Variants in KLF5 observed in about 807,000 individuals in gnomAD.
KLF5 encodes the protein Krueppel-like factor 5.
In KLF5, 9 loss-of-function variants were observed where a neutral mutation model predicts 36.9. That is an observed-to-expected ratio of 0.24 (90% confidence interval 0.15 to 0.43). The LOEUF (loss-of-function observed/expected upper bound fraction) is 0.43, where lower values mean the gene tolerates loss of function less well. KLF5 is among the 20% of genes least tolerant of loss of function. KLF5 has a pLI of 1.00. For missense variants in KLF5, 524 were observed against 599.5 expected (o/e 0.87, Z 1.31); for synonymous variants, 246 against 241.7 (o/e 1.02, Z -0.17).
chr13:73,057,511 G>A (rs932192348), upstream of KLF5, among the ~76,000 whole-genome samples: 3 of 152,152 alleles, frequency 2.0e-5, no homozygotes, highest in Non-Finnish European at 4.4e-5. Context: ...AATGAATCAT[G>A]TGTCAACAGG....
intron 1 of KLF5, among the ~76,000 whole-genome samples, chr13:73,061,638 T>C (rs1013900187): frequency 3.3e-5 from 5 of 152,140 alleles, no homozygotes; most frequent in African/African-American, 1.2e-4. Flanking sequence ...TGGGGGTGAT[T>C]GGGGGAGCAG....
At chr13:73,063,739 A>T in intron 2 of KLF5, 85 bp from the exon 3 acceptor site, 2 of 987,198 alleles carry the variant, frequency 2.0e-6, no homozygotes, top group Non-Finnish European at 3.2e-6. Context: ...TTTCTTCTTT[A>T]AAGCCAGATT....
In KLF5 at chr13:73,062,010, C is replaced by T. The variant is rs764265329; in HGVS notation, c.411C>T (p.Asn137=). 1 of 1,614,118 alleles carries T rather than the reference C, an allele frequency of 6.2e-7. No homozygotes were observed. The highest frequency in any genetic ancestry group is 8.5e-7 in the Non-Finnish European group (1 of 1,180,016). The change falls in exon 2 of 4, where the codon AAC becomes AAT. Residue 137 remains asparagine, a synonymous_variant. Coordinates refer to ENST00000377687, the MANE Select transcript of KLF5 (RefSeq NM_001730.5). ...TEGLPYSINM[N]VFLPDITHLR... is the part of the protein sequence containing the mutation. The stretch of plus-strand genomic sequence containing the variant: ...GGTTACCTTACAGTATCAACATGAA[C>T]GTCTTCCTCCCTGACATCACTCACC...
chr13:73,055,158 G>T (rs2044576366), upstream of KLF5: 1 of 152,030 alleles, frequency 6.6e-6, no homozygotes, highest in South Asian at 2.1e-4. Context: ...CTCTCCAAAA[G>T]GTAAAACTCT....
intron 3 of KLF5, among the ~76,000 whole-genome samples, chr13:73,064,861 A>C (rs1027566935): frequency 1.3e-5 from 2 of 152,208 alleles, no homozygotes; most frequent in African/African-American, 4.8e-5. Flanking sequence ...AAGAGCTTTT[A>C]AACTTTAAAA....
chr13:73,065,644 A>G (rs1467273134), intron 3 of KLF5, among the ~76,000 whole-genome samples: 19 of 152,250 alleles, frequency 1.2e-4, no homozygotes. Context: ...AGTGCCAGGA[A>G]AATATTCCAT....
intron 3 of KLF5, among the ~76,000 whole-genome samples, chr13:73,073,620 G>A (rs2044737643): frequency 6.6e-6 from 1 of 152,058 alleles, no homozygotes; most frequent in South Asian, 2.1e-4. Flanking sequence ...TTTTAAAATT[G>A]GGAGCACTAT....
chr13:73,069,993 T>C lies in KLF5; in HGVS notation c.1196-5715T>C, dbSNP rs1469247787. ...CTATAGAATGTAGTAGCTGTTTACTTGATGGCCTACATCGTTTCTAGTGAA... is the reference window on the plus strand; with the variant it reads ...CTATAGAATGTAGTAGCTGTTTACTCGATGGCCTACATCGTTTCTAGTGAA... On this transcript the variant is annotated intron_variant, in intron 3 of 3. Coordinates refer to ENST00000377687, the MANE Select transcript of KLF5 (RefSeq NM_001730.5). Among the ~76,000 whole-genome samples, 4 of 152,322 alleles carry C rather than the reference T, an allele frequency of 2.6e-5. No homozygotes were observed. In the East Asian group the frequency reaches 7.7e-4, roughly 29 times the overall value.
intron 3 of KLF5, among the ~76,000 whole-genome samples, chr13:73,069,773 T>C (rs2044709547): frequency 6.6e-6 from 1 of 152,242 alleles, no homozygotes; most frequent in African/African-American, 2.4e-5. Flanking sequence ...AAGTTAAGTA[T>C]AATTTGATTC....
Position 73,062,215 on chromosome 13 carries a change from A to G in KLF5, c.616A>G (p.Ile206Val). 1 of 1,614,022 alleles carries G rather than the reference A, an allele frequency of 6.2e-7. No homozygotes were observed. The highest frequency in any genetic ancestry group is 8.5e-7 in the Non-Finnish European group (1 of 1,179,996). Residue 206 changes from isoleucine to valine, a missense_variant, in exon 2 of 4, where the codon ATT becomes GTT. Ile to Val is a conservative substitution (Grantham distance 29). This residue lies in a region of KLF5 where 454 missense variants were observed against 458.1 expected (regional missense o/e 0.99). Coordinates refer to ENST00000377687, the MANE Select transcript of KLF5 (RefSeq NM_001730.5). ...HQTAAPEVNN[I>V]FIKQELPTPD... ...GACCGCAGCTCCAGAGGTGAACAAT[A>G]TTTTCATCAAACAAGAACTTCCTAC...
In KLF5 at chr13:73,071,101, C is replaced by CA. The variant is rs756206088; in HGVS notation, c.1196-4603dup. 5.3e-5 allele frequency among the ~76,000 whole-genome samples: 8 copies of CA among 152,164 alleles called. No individual in the cohort carries two copies. In the East Asian group the frequency reaches 1.5e-3, roughly 29 times the overall value. On this transcript the variant is annotated intron_variant, in intron 3 of 3. Coordinates refer to ENST00000377687, the MANE Select transcript of KLF5 (RefSeq NM_001730.5). ...GAACTTTAAAAGCTAGTTAAGGAGG[C>CA]AAAATACAACTATTTGAAGCCTTCC...
chr13:73,059,340 G>A lies in KLF5; in HGVS notation c.13G>A (p.Val5Met). Residue 5 changes from valine (V) to methionine (M), a missense_variant, in exon 1 of 4, where the codon GTG becomes ATG. Val to Met is a conservative substitution (Grantham distance 21). This residue lies in a region of KLF5 where 454 missense variants were observed against 458.1 expected (regional missense o/e 0.99). Coordinates refer to ENST00000377687, the MANE Select transcript of KLF5 (RefSeq NM_001730.5). ...CCCCCGAGTGCCCATGGCTACAAGG[G>A]TGCTGAGCATGAGCGCCCGCCTGGG... Reference protein sequence around the residue: MATRVLSMSARLGPV... With the variant: MATRMLSMSARLGPV... The A allele has an allele frequency of 2.1e-6, 3 of 1,414,148 alleles. No individual in the cohort carries two copies. Among genetic ancestry groups the A allele is most frequent in the East Asian group, 3.0e-5 (1 of 32,792 alleles). The allele number at this position is 1,414,148 out of a possible 1,614,324, so 87.6% of individuals were successfully genotyped here.
At chr13:73,060,443 T>C (rs2044626052) in intron 1 of KLF5, 1 of 152,186 alleles carries the variant, frequency 6.6e-6, no homozygotes, top group Non-Finnish European at 1.5e-5. Context: ...GGGAGCGCAG[T>C]GCACGAAAGG....
At position 73,059,397 on chromosome 13, in the gene KLF5, G is replaced by C. The variant is rs1434953733; in HGVS notation, c.70G>C (p.Glu24Gln). The C allele has an allele frequency of 2.1e-6, 3 of 1,401,380 alleles. No homozygotes were observed. The African/African-American group carries it at 4.5e-5, about 21-fold the overall frequency. The allele number at this position is 1,401,380 out of a possible 1,614,324, so 86.8% of individuals were successfully genotyped here. A position where few individuals can be genotyped will look rare whatever the true frequency, so the allele number is the denominator to read the frequency against. Residue 24 changes from glutamate to glutamine, a missense_variant, in exon 1 of 4, where the codon GAG becomes CAG. By Grantham distance (29) the Glu-to-Gln change is conservative. Coordinates refer to ENST00000377687, the MANE Select transcript of KLF5 (RefSeq NM_001730.5). Reference protein sequence around the residue: ...PVPQPPAPQDEPVFAQLKPVL... With the variant: ...PVPQPPAPQDQPVFAQLKPVL... ...GCCCCAGCCGCCGGCGCCGCAGGAC[G>C]AGCCGGTGTTCGCGCAGCTCAAGCC...
chr13:73,056,806 T>C (rs1162139877), upstream of KLF5, among the ~76,000 whole-genome samples: 3 of 152,216 alleles, frequency 2.0e-5, no homozygotes, highest in Admixed American at 6.5e-5. Context: ...AACCTGCTAC[T>C]GTATTGGAGC....
chr13:73,056,542 G>A (rs1263041817), upstream of KLF5, among the ~76,000 whole-genome samples: 2 of 152,284 alleles, frequency 1.3e-5, no homozygotes, highest in African/African-American at 4.8e-5. Flanking sequence ...TTACTAAGTC[G>A]GTGAAACAGG....
intron 3 of KLF5, among the ~76,000 whole-genome samples, chr13:73,064,928 A>G (rs976561824): frequency 1.3e-5 from 2 of 152,210 alleles, no homozygotes; most frequent in African/African-American, 4.8e-5. Flanking sequence ...AGGCCCCCCA[A>G]ATACTCCAAA....
In KLF5 at chr13:73,077,452, T is replaced by C. The variant is rs1218767852; in HGVS notation, c.*1566T>C. 1 of 152,666 alleles carries C rather than the reference T, an allele frequency of 6.6e-6. No individual in the cohort carries two copies. Among genetic ancestry groups the C allele is most frequent in the Non-Finnish European group, 1.5e-5 (1 of 68,042 alleles). The allele number at this position is 152,666 out of a possible 1,614,324, so 9.5% of individuals were successfully genotyped here. On this transcript the variant is annotated 3_prime_UTR_variant, in exon 4 of 4. Coordinates refer to ENST00000377687, the MANE Select transcript of KLF5 (RefSeq NM_001730.5). ...CTATGCAAATAATGGAGCAAACAGCTGTATAGTTGTAGAATTTTTTGAGAG... is the reference window on the plus strand; with the variant it reads ...CTATGCAAATAATGGAGCAAACAGCCGTATAGTTGTAGAATTTTTTGAGAG...
rs1231583306 is a variant in KLF5, at chr13:73,077,006, C to G, written c.*1120C>G. On this transcript the variant is annotated 3_prime_UTR_variant, in exon 4 of 4. Coordinates refer to ENST00000377687, the MANE Select transcript of KLF5 (RefSeq NM_001730.5). ...TAATCTATTAATACTGACTCAGTGTCTGCCTTTAAATATAAATGATATGTT... is the reference window on the plus strand; with the variant it reads ...TAATCTATTAATACTGACTCAGTGTGTGCCTTTAAATATAAATGATATGTT... 6.6e-6 allele frequency: 1 copy of G among 152,556 alleles called. No individual in the cohort carries two copies. The highest frequency in any genetic ancestry group is 1.9e-4 in the East Asian group (1 of 5,200). The allele number at this position is 152,556 out of a possible 1,614,324, so 9.5% of individuals were successfully genotyped here. A position where few individuals can be genotyped will look rare whatever the true frequency, so the allele number is the denominator to read the frequency against.
Sources: allele counts gnomAD v4.1 joint callset (sites outside exome capture counted in the v4.1 genomes callset), GRCh38; gene constraint gnomAD v4.1.1; regional missense constraint gnomAD v4.1.1; transcripts MANE v1.5; gene names NCBI Gene and HGNC (gene_info 2026-07-23, HGNC 2026-07-21).